Variants in TNFAIP8 observed in about 807,000 individuals in gnomAD.
TNFAIP8 encodes the protein TNF alpha induced protein 8.
In TNFAIP8, 7 loss-of-function variants were observed where a neutral mutation model predicts 13.3. That is an observed-to-expected ratio of 0.52 (90% confidence interval 0.30 to 0.99). The LOEUF is 0.99. Among genes scored for constraint, TNFAIP8 ranks in the 50% least tolerant of loss-of-function variants. The pLI is 0.07. For synonymous variants in TNFAIP8, 94 were observed against 87.6 expected, an observed-to-expected ratio of 1.07 and a Z score of -0.41; for missense variants, 258 against 236.9, an observed-to-expected ratio of 1.09 and a Z score of -0.58.
At chr5:119,391,642 C>T (rs1408887802) in intron 1 of TNFAIP8, among the ~76,000 whole-genome samples, 1 of 151,900 alleles carries the variant, frequency 6.6e-6, no homozygotes, top group Non-Finnish European at 1.5e-5. Context: ...GCCTATAATC[C>T]CAGCTACTCT....
intron 1 of TNFAIP8, among the ~76,000 whole-genome samples, chr5:119,377,235 C>T (rs895255914): frequency 3.3e-5 from 5 of 152,046 alleles, no homozygotes; most frequent in Admixed American, 3.3e-4. Context: ...GACCCTGTCT[C>T]TATCAGAAAA....
intron 1 of TNFAIP8, among the ~76,000 whole-genome samples, chr5:119,341,914 C>A (rs1310874544): frequency 2.6e-5 from 4 of 151,714 alleles, no homozygotes; most frequent in Admixed American, 6.6e-5. Flanking sequence ...TGGTCTTAGG[C>A]AGGCATGGGG....
intron 1 of TNFAIP8, among the ~76,000 whole-genome samples, chr5:119,310,601 G>A (rs949330630): frequency 6.6e-5 from 10 of 152,274 alleles, no homozygotes; most frequent in South Asian, 2.1e-4. Context: ...TTGGGAGGCC[G>A]AGGCAGGTAG....
rs114912858 is a variant in TNFAIP8 at position 119,356,606 on chromosome 5, T to G, written c.31+485T>G. Among the ~76,000 whole-genome samples the G allele has an allele frequency of 8.1e-3, 1,225 of 152,012 alleles. 22 individuals are homozygous for G. The highest frequency in any genetic ancestry group is 0.028 in the African/African-American group (1,164 of 41,442). On this transcript the variant is annotated intron_variant, in intron 1 of 1. Transcript: ENST00000504771. The stretch of plus-strand genomic sequence containing the variant: ...GAAAATCTGTATTTGAGAAATAGAT[T>G]AATTTTTTTTCATTGCTGGGTTTTC...
chr5:119,363,810 T>TC (rs1751725090), intron 1 of TNFAIP8, among the ~76,000 whole-genome samples: 1 of 152,220 alleles, frequency 6.6e-6, no homozygotes, highest in Non-Finnish European at 1.5e-5. Context: ...AAGACTGTCC[T>TC]CCAACTTGAG....
intron 1 of TNFAIP8, among the ~76,000 whole-genome samples, chr5:119,304,479 A>G (rs1749492372): frequency 6.6e-6 from 1 of 152,162 alleles, no homozygotes; most frequent in Non-Finnish European, 1.5e-5. Context: ...ATTCCCTATA[A>G]TGGTCCCTCA....
chr5:119,371,302 A>G (rs899604550), intron 1 of TNFAIP8, among the ~76,000 whole-genome samples: 1 of 152,204 alleles, frequency 6.6e-6, no homozygotes, highest in African/African-American at 2.4e-5. Context: ...TGCCTATATA[A>G]AGACTAACTG....
chr5:119,358,229 G>A (rs1441601394), intron 1 of TNFAIP8, among the ~76,000 whole-genome samples: 1 of 152,054 alleles, frequency 6.6e-6, no homozygotes, highest in Admixed American at 6.6e-5. Flanking sequence ...GCTGTAAGAG[G>A]AGATACTTTT....
At chr5:119,278,470 A>G (rs1358964628) in intron 1 of TNFAIP8, among the ~76,000 whole-genome samples, 1 of 148,828 alleles carries the variant, frequency 6.7e-6, no homozygotes, top group Non-Finnish European at 1.5e-5. Context: ...AGTAGTGTCT[A>G]TCCCTTTTCA....
chr5:119,388,897 T>C (rs1752785223), intron 1 of TNFAIP8, among the ~76,000 whole-genome samples: 1 of 151,746 alleles, frequency 6.6e-6, no homozygotes, highest in Non-Finnish European at 1.5e-5. Context: ...TCCCACCTTA[T>C]CCTCCTAAAG....
intron 1 of TNFAIP8, among the ~76,000 whole-genome samples, chr5:119,312,474 A>G (rs1749759774): frequency 6.6e-6 from 1 of 152,240 alleles, no homozygotes; most frequent in Non-Finnish European, 1.5e-5. Flanking sequence ...GAAAAAAAGA[A>G]AATAGAGTTA....
chr5:119,303,490 C>T (rs991175931), intron 1 of TNFAIP8, among the ~76,000 whole-genome samples: 2 of 152,094 alleles, frequency 1.3e-5, no homozygotes, highest in Non-Finnish European at 2.9e-5. Context: ...AGCTACATAC[C>T]TTGACTTGCA....
intron 1 of TNFAIP8, among the ~76,000 whole-genome samples, chr5:119,335,597 C>A (rs180822365): frequency 8.5e-5 from 13 of 152,152 alleles, no homozygotes; most frequent in Admixed American, 5.2e-4. Flanking sequence ...AGACCCCAGA[C>A]CAAAGACATT....
At chr5:119,329,100 C>G (rs1185227538) in intron 1 of TNFAIP8, among the ~76,000 whole-genome samples, 1 of 152,248 alleles carries the variant, frequency 6.6e-6, no homozygotes, top group Non-Finnish European at 1.5e-5. Context: ...CGCAGCTGTG[C>G]TGCTCACAGC....
chr5:119,304,138 A>C (rs1436766220), intron 1 of TNFAIP8, among the ~76,000 whole-genome samples: 1 of 151,414 alleles, frequency 6.6e-6, no homozygotes. Flanking sequence ...TTTTTTGTAG[A>C]GATACGGTCT....
At chr5:119,305,765 G>A (rs557988460) in intron 1 of TNFAIP8, among the ~76,000 whole-genome samples, 2 of 152,278 alleles carry the variant, frequency 1.3e-5, no homozygotes, top group South Asian at 4.1e-4. Context: ...TATACTGTTG[G>A]AATGTTTATG....
intron 1 of TNFAIP8, among the ~76,000 whole-genome samples, chr5:119,285,603 TTAAC>T (rs1245528288): frequency 6.6e-6 from 1 of 152,240 alleles, no homozygotes; most frequent in African/African-American, 2.4e-5. Context: ...TAAGTGACTG[TTAAC>T]TATACTAACA....
At chr5:119,322,903 T>C (rs1402022591) in intron 1 of TNFAIP8, among the ~76,000 whole-genome samples, 2 of 152,224 alleles carry the variant, frequency 1.3e-5, no homozygotes, top group East Asian at 3.8e-4. Flanking sequence ...TGATGTCTCA[T>C]AGGCAACTCA....
intron 1 of TNFAIP8, chr5:119,306,479 G>C (rs1234330618): frequency 1.3e-5 from 2 of 152,038 alleles, no homozygotes; most frequent in Non-Finnish European, 2.9e-5. Flanking sequence ...AGGCAACCTG[G>C]TGGTCCCCTG....
Sources: allele counts gnomAD v4.1 joint callset (sites outside exome capture counted in the v4.1 genomes callset), GRCh38; gene constraint gnomAD v4.1.1; transcripts MANE v1.5; gene names NCBI Gene and HGNC (gene_info 2026-07-23, HGNC 2026-07-21).